Variants in FANCC observed in about 807,000 individuals in gnomAD.
FANCC encodes Fanconi anemia group C protein.
Under a neutral mutation model 71.3 loss-of-function variants are expected in FANCC, and 55 were observed. That is an observed-to-expected ratio of 0.77 (90% CI 0.62 to 0.97). The LOEUF is 0.97. Ranked by LOEUF, FANCC falls within the 50% of genes least tolerant of loss-of-function variation. The pLI is 0.00. For missense variants in FANCC, 678 were observed against 670.9 expected, an observed-to-expected ratio of 1.01 and a Z score of -0.12; for synonymous variants, 275 against 244.9, an observed-to-expected ratio of 1.12 and a Z score of -1.15.
chr9:95,233,739 T>C (rs1037343127), intron 4 of FANCC, among the ~76,000 whole-genome samples: 1 of 152,228 alleles, frequency 6.6e-6, no homozygotes, highest in Non-Finnish European at 1.5e-5. Flanking sequence ...TTGGGGTGTG[T>C]ACTCCAAGTA....
chr9:95,259,648 TA>T (rs1831899506), intron 1 of FANCC, among the ~76,000 whole-genome samples: 1 of 152,154 alleles, frequency 6.6e-6, no homozygotes, highest in South Asian at 2.1e-4. Flanking sequence ...ACTTCATGAC[TA>T]AAATACCAAA....
At chr9:95,102,188 C>G (rs927329469) in intron 14 of FANCC, among the ~76,000 whole-genome samples, 3 of 152,206 alleles carry the variant, frequency 2.0e-5, no homozygotes, top group African/African-American at 7.2e-5. Context: ...GTGGGATGAT[C>G]CACTGTGGGG....
intron 7 of FANCC, among the ~76,000 whole-genome samples, chr9:95,146,404 C>T (rs957930436): frequency 7.4e-6 from 1 of 135,272 alleles, no homozygotes; most frequent in South Asian, 2.4e-4. Context: ...GGGAGGATCG[C>T]CTGAGCCTGG....
At chr9:95,261,069 G>A (rs2136167961) in intron 1 of FANCC, among the ~76,000 whole-genome samples, 1 of 152,272 alleles carries the variant, frequency 6.6e-6, no homozygotes, top group African/African-American at 2.4e-5. Flanking sequence ...TTGCCCCAGA[G>A]GGCTTTGTCA....
intron 14 of FANCC, among the ~76,000 whole-genome samples, chr9:95,103,611 G>A (rs867686803): frequency 3.3e-5 from 5 of 152,350 alleles, no homozygotes; most frequent in Middle Eastern, 6.8e-3. Context: ...AGGAGTGCCT[G>A]GCGAGAGGCC....
At chr9:95,252,274 CAAAAAAAAAAA>C (rs71366284) in intron 1 of FANCC, among the ~76,000 whole-genome samples, 78 of 50,166 alleles carry the variant, frequency 1.6e-3, no homozygotes, top group South Asian at 2.2e-3. Flanking sequence ...GAGACTGATT[CAAAAAAAAAAA>C]AAAAAAAAAG....
intron 13 of FANCC, chr9:95,110,838 A>G: frequency 1.7e-6 from 2 of 1,168,124 alleles, no homozygotes; most frequent in South Asian, 2.9e-5. Context: ...TGTAATTATT[A>G]TATTCCACAT....
intron 3 of FANCC, among the ~76,000 whole-genome samples, chr9:95,245,074 T>C (rs1830880636): frequency 6.6e-6 from 1 of 152,222 alleles, no homozygotes; most frequent in East Asian, 1.9e-4. Flanking sequence ...CTTGAGGATG[T>C]ATTACATCCA....
intron 1 of FANCC, among the ~76,000 whole-genome samples, chr9:95,287,031 C>G (rs1833732783): frequency 6.6e-6 from 1 of 152,056 alleles, no homozygotes; most frequent in African/African-American, 2.4e-5. Context: ...TTTATAGCAG[C>G]TATCACTTAC....
intron 1 of FANCC, among the ~76,000 whole-genome samples, chr9:95,256,830 A>G (rs965893618): frequency 1.3e-5 from 2 of 152,152 alleles, no homozygotes; most frequent in Non-Finnish European, 2.9e-5. Context: ...AAATAAATGG[A>G]TGGAGGAATA....
chr9:95,267,314 A>G (rs1158497864), intron 1 of FANCC, among the ~76,000 whole-genome samples: 1 of 152,126 alleles, frequency 6.6e-6, no homozygotes, highest in Non-Finnish European at 1.5e-5. Flanking sequence ...GGGAGGATGG[A>G]GGACACCTGT....
Position 95,227,539 on chromosome 9 carries a change from G to A in FANCC, c.345+13110C>T, listed in dbSNP as rs192564715. On this transcript the variant is annotated intron_variant, in intron 4 of 14. Transcript: ENST00000289081. ...TGTTATTAGTCTCCTAAAACCTAACGCTATCCTCCACTGCTCCACTCCCAC... is the reference window on the plus strand; with the variant it reads ...TGTTATTAGTCTCCTAAAACCTAACACTATCCTCCACTGCTCCACTCCCAC... Among the ~76,000 whole-genome samples the A allele has an allele frequency of 1.8e-4, 27 of 152,254 alleles. No individual in the cohort carries two copies. The East Asian group carries it at 2.7e-3, about 15-fold the overall frequency.
At chr9:95,227,337 T>C (rs1438259323) in intron 4 of FANCC, among the ~76,000 whole-genome samples, 2 of 152,192 alleles carry the variant, frequency 1.3e-5, no homozygotes, top group East Asian at 3.8e-4. Context: ...GGTAGGCCTC[T>C]GGGGGCTCAG....
intron 4 of FANCC, among the ~76,000 whole-genome samples, chr9:95,216,860 CTA>C (rs1321461840): frequency 1.3e-5 from 2 of 152,108 alleles, no homozygotes; most frequent in African/African-American, 4.8e-5. Flanking sequence ...CCCAGAAGTC[CTA>C]TGTCTTCAGC....
intron 1 of FANCC, among the ~76,000 whole-genome samples, chr9:95,282,273 A>G (rs1381208312): frequency 1.3e-5 from 2 of 152,188 alleles, no homozygotes; most frequent in Non-Finnish European, 2.9e-5. Context: ...TATCAGATAA[A>G]ATAGACTTTA....
chr9:95,310,005 A>C (rs574147379), intron 1 of FANCC, among the ~76,000 whole-genome samples: 1 of 152,276 alleles, frequency 6.6e-6, no homozygotes, highest in South Asian at 2.1e-4. Context: ...GGGAAATGTG[A>C]GGGAAGATCT....
chr9:95,173,337 G>A (rs1171796038), intron 4 of FANCC, among the ~76,000 whole-genome samples: 2 of 152,130 alleles, frequency 1.3e-5, no homozygotes, highest in Non-Finnish European at 2.9e-5. Flanking sequence ...GGACTTCCAG[G>A]GGTGTGTCTG....
At chr9:95,133,505 T>C (rs1266650619) in intron 8 of FANCC, among the ~76,000 whole-genome samples, 2 of 152,198 alleles carry the variant, frequency 1.3e-5, no homozygotes, top group African/African-American at 4.8e-5. Flanking sequence ...GACTGAGCAT[T>C]ATACAGTTAT....
intron 4 of FANCC, among the ~76,000 whole-genome samples, chr9:95,230,670 G>A (rs1829947845): frequency 6.6e-6 from 1 of 152,126 alleles, no homozygotes; most frequent in African/African-American, 2.4e-5. Context: ...CATAAAGGTA[G>A]TGCGGACCCA....
Sources: allele counts gnomAD v4.1 joint callset (sites outside exome capture counted in the v4.1 genomes callset), GRCh38; gene constraint gnomAD v4.1.1; transcripts MANE v1.5; gene names NCBI Gene and HGNC (gene_info 2026-07-23, HGNC 2026-07-21).